ATP7A: variants seen among roughly 807,000 people sequenced by gnomAD.
The protein encoded by ATP7A is ATPase copper transporting alpha.
A neutral mutation model predicts 83.5 loss-of-function variants in ATP7A; 7 were observed. The observed-to-expected ratio is 0.08, with a 90% CI of 0.05 to 0.16. The LOEUF (loss-of-function observed/expected upper bound fraction) is 0.16. Among genes scored for constraint, ATP7A ranks in the 10% least tolerant of loss-of-function variants. The pLI is 1.00. For synonymous variants in ATP7A, 354 were observed against 395.2 expected (o/e 0.90, Z 1.24); for missense variants, 940 against 1,120.8 (o/e 0.84, Z 2.30).
rs5959130 is a variant in ATP7A at position 78,045,547 on chromosome X, G to C, written c.4201G>C (p.Val1401Leu). 1,023 of 1,208,322 alleles carry C rather than the reference G, an allele frequency of 8.5e-4. 4 individuals are homozygous for C. The African/African-American group carries it at 0.016, about 19-fold the overall frequency. ...AATGGCTGCTTCATCTGTTTCTGTA[G>C]TACTTTCTTCTCTCTTCCTTAAACT... Reference protein sequence around the residue: ...AAMAASSVSVVLSSLFLKLYR... With the variant: ...AAMAASSVSVLLSSLFLKLYR... Residue 1401 changes from valine to leucine, a missense_variant, in exon 22 of 23, where the codon GTA (valine) becomes CTA (leucine). By Grantham distance (32) the Val-to-Leu change is conservative (BLOSUM62 1). This residue lies in a region of ATP7A where 386 missense variants were observed against 502.2 expected (regional missense o/e 0.77). Transcript: ENST00000341514.
At chrX:77,917,949 A>G (rs1199174970) in intron 1 of ATP7A, among the ~76,000 whole-genome samples, 1 of 112,313 alleles carries the variant, frequency 8.9e-6, no homozygotes, top group Non-Finnish European at 1.9e-5. Context: ...ACATGGCTTA[A>G]AGCATGAATG....
At chrX:77,989,116 T>C in intron 3 of ATP7A, 117 bp from the exon 4 acceptor site, 1 of 883,448 alleles carries the variant, frequency 1.1e-6, no homozygotes. Context: ...ATTAAGAAAA[T>C]ATGATGACAA....
At chrX:77,957,774 A>AT (rs2077453327) in intron 1 of ATP7A, among the ~76,000 whole-genome samples, 2 of 110,892 alleles carry the variant, frequency 1.8e-5, no homozygotes, top group Admixed American at 9.6e-5. Context: ...CAGATTTTAT[A>AT]TTTAAGCATT....
Position 77,998,915 on chromosome X carries a change from T to TA in ATP7A, c.1543+240dup, listed in dbSNP as rs782274914. Among the ~76,000 whole-genome samples, 1,478 of 108,794 alleles carry TA rather than the reference T, an allele frequency of 0.014. 28 individuals are homozygous for TA. The highest frequency in any genetic ancestry group is 0.047 in the African/African-American group (1,395 of 29,995). 94.5% of individuals were successfully genotyped at this position (108,794 alleles called of 115,157 possible). A position where few individuals can be genotyped will look rare whatever the true frequency, so the allele number is the denominator to read the frequency against. ...ACATTTGTATATCTATGAAATTCGT[T>TA]AAAAAAAAATAGCAGAAAGAAATAC... On this transcript the variant is annotated intron_variant, in intron 5 of 22. Transcript: ENST00000341514.
At chrX:77,969,542 C>T in intron 1 of ATP7A, 1 of 1,211,637 alleles carries the variant, frequency 8.3e-7, no homozygotes, top group Non-Finnish European at 1.1e-6. Flanking sequence ...TCGTGGCCCG[C>T]CGGGCTCAGA....
At position 78,033,704 on chromosome X, in the gene ATP7A, A is replaced by C. The variant is rs781886587; in HGVS notation, c.3394A>C (p.Lys1132Gln). 4 of 1,208,420 alleles carry C rather than the reference A, an allele frequency of 3.3e-6. No individual in the cohort carries two copies. The highest frequency in any genetic ancestry group is 4.5e-6 in the Non-Finnish European group (4 of 894,137). The change falls in exon 17 of 23, where the codon AAG becomes CAG. Residue 1132 changes from lysine to glutamine, a missense_variant. Coordinates refer to ENST00000341514, the MANE Select transcript of ATP7A (RefSeq NM_000052.7). ...KVTNIEGLLH[K>Q]NNWNIEDNNI... ...CACCAATATTGAAGGCTTGCTACAT[A>C]AGAATAACTGGAATATAGAGGACAA...
chrX:77,953,393 CA>C (rs782167843), intron 1 of ATP7A, among the ~76,000 whole-genome samples: 1 of 111,275 alleles, frequency 9.0e-6, no homozygotes, highest in South Asian at 3.8e-4. Context: ...GGAGGCATTC[CA>C]ATCACCAAAT....
At chrX:78,038,736 A>G (rs1404221402) in intron 17 of ATP7A, 100 bp from the exon 18 acceptor site, 8 of 938,897 alleles carry the variant, frequency 8.5e-6, no homozygotes, top group Admixed American at 7.0e-5. Flanking sequence ...GAGCAATACA[A>G]TGTAGTGACT....
chrX:77,955,500 G>T (rs2077436261), intron 1 of ATP7A, among the ~76,000 whole-genome samples: 1 of 111,109 alleles, frequency 9.0e-6, no homozygotes, highest in Non-Finnish European at 1.9e-5. Flanking sequence ...TAGTTCATTT[G>T]TTTTTAAAAT....
chrX:77,934,321 G>C (rs2077307668), intron 1 of ATP7A, among the ~76,000 whole-genome samples: 1 of 111,270 alleles, frequency 9.0e-6, no homozygotes, highest in African/African-American at 3.3e-5. Flanking sequence ...GGGATGCTGA[G>C]GTGGGAGGAT....
chrX:77,983,268 A>G (rs1557231065), intron 2 of ATP7A, among the ~76,000 whole-genome samples: 1 of 112,510 alleles, frequency 8.9e-6, no homozygotes, highest in African/African-American at 3.2e-5. Context: ...TTTTTAGCTT[A>G]TATAGAAAGT....
intron 2 of ATP7A, among the ~76,000 whole-genome samples, chrX:77,986,962 C>T (rs1212808322): frequency 1.8e-5 from 2 of 111,821 alleles, no homozygotes; most frequent in Non-Finnish European, 3.8e-5. Context: ...ATATAGAACC[C>T]CATAATAGAG....
intron 1 of ATP7A, among the ~76,000 whole-genome samples, chrX:77,944,893 C>T (rs1254556255): frequency 1.8e-5 from 2 of 110,273 alleles, no homozygotes; most frequent in African/African-American, 3.3e-5. Context: ...TCTTGTTGCC[C>T]AGGCTGGAGT....
At chrX:77,933,897 C>G (rs1036853271) in intron 1 of ATP7A, among the ~76,000 whole-genome samples, 4 of 111,593 alleles carry the variant, frequency 3.6e-5, no homozygotes, top group Admixed American at 9.5e-5. Context: ...AGTGAAAAAA[C>G]AAGGTGTTCA....
chrX:77,940,360 T>C (rs1158289337), intron 1 of ATP7A, among the ~76,000 whole-genome samples: 2 of 111,309 alleles, frequency 1.8e-5, no homozygotes, highest in African/African-American at 6.5e-5. Flanking sequence ...ATACTGTATA[T>C]TTAATAGTGG....
chrX:78,008,971 G>T (rs967065652), intron 6 of ATP7A, 131 bp from the exon 7 acceptor site: 4 of 667,982 alleles, frequency 6.0e-6, no homozygotes, highest in Non-Finnish European at 6.8e-6. Flanking sequence ...AGCCGAGATC[G>T]CACCACTGCA....
At chrX:78,021,796 A>C (rs1333926366) in intron 14 of ATP7A, among the ~76,000 whole-genome samples, 1 of 111,883 alleles carries the variant, frequency 8.9e-6, no homozygotes, top group Non-Finnish European at 1.9e-5. Context: ...GGTGACAGCC[A>C]AGGGTCCCCC....
Position 78,011,222 on chromosome X carries a change from G to C in ATP7A, c.1916G>C (p.Ser639Thr), listed in dbSNP as rs781910954. Reference protein sequence around the residue: ...ASLVKKDRSASHLDHKREIRQ... With the variant: ...ASLVKKDRSATHLDHKREIRQ... ...TTGGTCAAGAAGGATCGGTCAGCAAGTCACTTAGATCATAAACGAGAAATA... is the reference window on the plus strand; with the variant it reads ...TTGGTCAAGAAGGATCGGTCAGCAACTCACTTAGATCATAAACGAGAAATA... The change falls in exon 8 of 23, where the codon AGT (serine) becomes ACT (threonine). Residue 639 changes from serine to threonine, a missense_variant. Physicochemically the swap from Ser to Thr is moderately conservative, Grantham distance 58. Coordinates refer to ENST00000341514, the MANE Select transcript of ATP7A (RefSeq NM_000052.7). 3 of 1,208,623 alleles carry C rather than the reference G, an allele frequency of 2.5e-6. No homozygotes were observed. The highest frequency in any genetic ancestry group is 4.4e-5 in the Admixed American group (2 of 45,665).
At chrX:78,038,697 G>T in intron 17 of ATP7A, 139 bp from the exon 18 acceptor site, 1 of 692,424 alleles carries the variant, frequency 1.4e-6, no homozygotes, top group Non-Finnish European at 2.2e-6. Flanking sequence ...TAGAAAATTT[G>T]AACATCACTG....
Sources: gnomAD v4.1 joint callset for allele counts (sites outside exome capture counted in the v4.1 genomes callset) on GRCh38, gnomAD v4.1.1 for gene constraint, gnomAD v4.1.1 regional missense constraint, MANE v1.5 for transcripts, NCBI Gene and HGNC (gene_info 2026-07-23, HGNC 2026-07-21) for gene names.